Variants in BLNK observed in about 807,000 individuals in gnomAD.
BLNK encodes B-cell linker protein.
Under a neutral mutation model 73.5 loss-of-function variants are expected in BLNK, and 29 were observed. The observed-to-expected ratio is 0.39, with a 90% CI of 0.29 to 0.54. The LOEUF (loss-of-function observed/expected upper bound fraction) is 0.54. Among genes scored for constraint, BLNK ranks in the 20% least tolerant of loss-of-function variants. BLNK has a pLI of 0.61. For missense variants in BLNK, 460 were observed against 562.8 expected (o/e 0.82, Z 1.85); for synonymous variants, 176 against 200.8 (o/e 0.88, Z 1.04).
At chr10:96,252,179 G>A (rs1843313111) in intron 1 of BLNK, among the ~76,000 whole-genome samples, 1 of 152,100 alleles carries the variant, frequency 6.6e-6, no homozygotes, top group South Asian at 2.1e-4. Flanking sequence ...AGCCTCCCGA[G>A]TAGCTGAGAA....
At chr10:96,252,458 G>A (rs1843325454) in intron 1 of BLNK, among the ~76,000 whole-genome samples, 1 of 152,168 alleles carries the variant, frequency 6.6e-6, no homozygotes, top group East Asian at 1.9e-4. Context: ...GGGCCTTTTA[G>A]TTGTGCCCAA....
intron 13 of BLNK, among the ~76,000 whole-genome samples, 190 bp from the exon 14 acceptor site, chr10:96,201,248 G>A (rs2083625891): frequency 6.6e-6 from 1 of 152,094 alleles, no homozygotes; most frequent in African/African-American, 2.4e-5. Flanking sequence ...TGGTTCAAGA[G>A]GTCTTTTCTT....
intron 15 of BLNK, 69 bp from the exon 16 acceptor site, chr10:96,197,132 C>G: frequency 7.6e-7 from 1 of 1,322,630 alleles, no homozygotes; most frequent in Non-Finnish European, 1.0e-6. Flanking sequence ...TTCAAAAAAT[C>G]ATTTTGTGAA....
intron 2 of BLNK, among the ~76,000 whole-genome samples, chr10:96,244,098 A>G (rs2134084557): frequency 1.3e-5 from 2 of 152,326 alleles, no homozygotes; most frequent in East Asian, 3.9e-4. Context: ...ATTTACATAG[A>G]AATTCTGGTT....
At chr10:96,254,753 C>A (rs546351264) in intron 1 of BLNK, among the ~76,000 whole-genome samples, 1 of 152,094 alleles carries the variant, frequency 6.6e-6, no homozygotes, top group Non-Finnish European at 1.5e-5. Flanking sequence ...TCAGGTAATC[C>A]GCCCACCTCG....
intron 2 of BLNK, among the ~76,000 whole-genome samples, chr10:96,243,496 A>G (rs781903098): frequency 6.6e-6 from 1 of 152,210 alleles, no homozygotes; most frequent in Non-Finnish European, 1.5e-5. Context: ...GCAGTGAGCC[A>G]TGATCACGCC....
chr10:96,195,977 A>G (rs1299276512), intron 16 of BLNK, among the ~76,000 whole-genome samples: 1 of 152,254 alleles, frequency 6.6e-6, no homozygotes, highest in Non-Finnish European at 1.5e-5. Context: ...CTGGAAATAC[A>G]GAGATGAAAA....
intron 9 of BLNK, among the ~76,000 whole-genome samples, chr10:96,208,290 A>C (rs1160022145): frequency 6.6e-6 from 1 of 152,122 alleles, no homozygotes; most frequent in Non-Finnish European, 1.5e-5. Context: ...CCTCTTCCCC[A>C]ACAGCTCCCT....
chr10:96,189,595 A>G lies in BLNK; in HGVS notation c.*2378T>C. On this transcript the variant is annotated 3_prime_UTR_variant, in exon 17 of 17. Transcript: ENST00000224337. Reference sequence around the variant, plus strand: ...TGTCCTTTTAATCTTGGTGTTGATGATGGGTTTGAGTGTTTTCTATTCTGA... The same window carrying G: ...TGTCCTTTTAATCTTGGTGTTGATGGTGGGTTTGAGTGTTTTCTATTCTGA... The G allele has an allele frequency of 1.5e-6, 1 of 688,722 alleles. No individual in the cohort carries two copies. The highest frequency in any genetic ancestry group is 2.7e-6 in the Non-Finnish European group (1 of 370,188). 42.7% of individuals were successfully genotyped at this position (688,722 alleles called of 1,614,324 possible).
At chr10:96,225,320 C>T (rs1481079653) in intron 5 of BLNK, among the ~76,000 whole-genome samples, 1 of 152,230 alleles carries the variant, frequency 6.6e-6, no homozygotes, top group Non-Finnish European at 1.5e-5. Flanking sequence ...CTTCCTGTGA[C>T]AGCCCCACCT....
intron 3 of BLNK, among the ~76,000 whole-genome samples, chr10:96,242,250 C>T (rs1055199740): frequency 1.3e-5 from 2 of 152,182 alleles, no homozygotes; most frequent in Non-Finnish European, 2.9e-5. Flanking sequence ...TTCTACCTTG[C>T]CTGCCGCCAT....
chr10:96,207,319 G>A (rs2083841327), intron 10 of BLNK, among the ~76,000 whole-genome samples: 1 of 152,114 alleles, frequency 6.6e-6, no homozygotes, highest in Admixed American at 6.5e-5. Context: ...TGGAAATCAT[G>A]ACCCCCCCAG....
At position 96,242,768 on chromosome 10, in the gene BLNK, G is replaced by T. The variant is rs1387581765; in HGVS notation, c.130C>A (p.Pro44Thr). Residue 44 changes from proline (P) to threonine (T), a missense_variant, in exon 3 of 17, where the codon CCT becomes ACT. Coordinates refer to ENST00000224337, the MANE Select transcript of BLNK (RefSeq NM_013314.4). ...TAGTCCCTTCGAGGAACACTTGGAG[G>T]TGCTTTGACTTTTAGCCTGGAAATA... ...NKIKKLKVKA[P>T]PSVPRRDYAS... 6.2e-7 allele frequency: 1 copy of T among 1,614,000 alleles called. No individual in the cohort carries two copies. The highest frequency in any genetic ancestry group is 1.3e-5 in the African/African-American group (1 of 74,944).
At chr10:96,204,248 A>C in intron 12 of BLNK, 160 bp from the exon 13 acceptor site, 1 of 824,394 alleles carries the variant, frequency 1.2e-6, no homozygotes, top group Non-Finnish European at 2.0e-6. Flanking sequence ...CCAAAACCTT[A>C]AAGATAAGTA....
intron 9 of BLNK, 114 bp downstream of exon 9, chr10:96,209,724 G>T: frequency 1.5e-6 from 2 of 1,303,298 alleles, no homozygotes; most frequent in Non-Finnish European, 2.2e-6. Flanking sequence ...CTTACTCTTG[G>T]TCCAAGTTGC....
chr10:96,196,846 T>C, intron 16 of BLNK, 62 bp downstream of exon 16: 1 of 1,502,452 alleles, frequency 6.7e-7, no homozygotes. Flanking sequence ...TCTAATACAG[T>C]ATTTGATGTC....
chr10:96,227,387 C>A, intron 5 of BLNK, 23 bp downstream of exon 5: 1 of 1,611,206 alleles, frequency 6.2e-7, no homozygotes, highest in Non-Finnish European at 8.5e-7. Context: ...AGGCCGAGTG[C>A]CCAGGTCTGC....
intron 3 of BLNK, among the ~76,000 whole-genome samples, chr10:96,238,668 G>T (rs1238932747): frequency 6.6e-6 from 1 of 152,184 alleles, no homozygotes; most frequent in Non-Finnish European, 1.5e-5. Context: ...GGGAGAGAAC[G>T]GCAAGGGAGG....
At chr10:96,264,957 G>A (rs1307251160) in intron 1 of BLNK, among the ~76,000 whole-genome samples, 2 of 151,826 alleles carry the variant, frequency 1.3e-5, no homozygotes, top group Non-Finnish European at 2.9e-5. Flanking sequence ...TCCAGAATTT[G>A]GCCTTATTAT....
Sources: allele counts gnomAD v4.1 joint callset (sites outside exome capture counted in the v4.1 genomes callset), GRCh38; gene constraint gnomAD v4.1.1; transcripts MANE v1.5; gene names NCBI Gene and HGNC (gene_info 2026-07-23, HGNC 2026-07-21).